PDE1C: variants seen among roughly 807,000 people sequenced by gnomAD.
The protein encoded by PDE1C is phosphodiesterase 1C, also known as dual specificity calcium/calmodulin-dependent 3',5'-cyclic nucleotide phosphodiesterase 1C.
In PDE1C, 62 loss-of-function variants were observed where a neutral mutation model predicts 93.1. The observed-to-expected ratio is 0.67, with a 90% CI of 0.54 to 0.82. PDE1C has a LOEUF of 0.82. Among genes scored for constraint, PDE1C ranks in the 40% least tolerant of loss-of-function variants. The pLI is 0.00. For missense variants in PDE1C, 742 were observed against 884.6 expected (o/e 0.84, Z 2.04); for synonymous variants, 325 against 310.1 (o/e 1.05, Z -0.50).
At chr7:32,348,109 C>T (rs1204582992) in intron 1 of PDE1C, among the ~76,000 whole-genome samples, 2 of 152,086 alleles carry the variant, frequency 1.3e-5, no homozygotes, top group East Asian at 1.9e-4. Flanking sequence ...TTTACTAAAA[C>T]AAACATCAGA....
chr7:32,384,454 A>T (rs1161932581), intron 1 of PDE1C, among the ~76,000 whole-genome samples: 1 of 152,240 alleles, frequency 6.6e-6, no homozygotes, highest in African/African-American at 2.4e-5. Context: ...AACCTAAATC[A>T]GATATGTACG....
At chr7:31,633,537 C>T in the PDE1C span, among the ~76,000 whole-genome samples, 1 of 152,142 alleles carries the variant, frequency 6.6e-6, no homozygotes, top group Admixed American at 6.5e-5. Flanking sequence ...TGTAAAATGC[C>T]TTAGAAGGAA....
chr7:32,401,906 A>C (rs1449605395), intron 1 of PDE1C, among the ~76,000 whole-genome samples: 1 of 152,214 alleles, frequency 6.6e-6, no homozygotes, highest in Non-Finnish European at 1.5e-5. Context: ...GCTTGTATCA[A>C]TTTGGTAGCA....
At chr7:32,155,641 T>A (rs898892883) in intron 3 of PDE1C, among the ~76,000 whole-genome samples, 1 of 152,182 alleles carries the variant, frequency 6.6e-6, no homozygotes, top group Non-Finnish European at 1.5e-5. Context: ...TGACACTGAA[T>A]CATATCACTT....
At chr7:32,136,498 A>G (rs904162405) in intron 3 of PDE1C, among the ~76,000 whole-genome samples, 10 of 151,710 alleles carry the variant, frequency 6.6e-5, no homozygotes, top group Middle Eastern at 3.4e-3. Context: ...TAAACTAATC[A>G]TTTATCCATT....
chr7:31,695,655 G>A, the PDE1C span: 1 of 1,568,178 alleles, frequency 6.4e-7, no homozygotes, highest in Non-Finnish European at 8.6e-7. Context: ...AGCTGTAAAG[G>A]AGAGCCACTT....
At chr7:31,629,366 C>T in the PDE1C span, among the ~76,000 whole-genome samples, 1 of 152,080 alleles carries the variant, frequency 6.6e-6, no homozygotes, top group South Asian at 2.1e-4. Flanking sequence ...ATTCCAAGTC[C>T]CTGCATTACC....
chr7:31,739,208 C>CACAT, the PDE1C span, among the ~76,000 whole-genome samples: 1 of 149,616 alleles, frequency 6.7e-6, no homozygotes, highest in Non-Finnish European at 1.5e-5. Flanking sequence ...TAGACACACA[C>CACAT]ACACACACAC....
intron 17 of PDE1C, among the ~76,000 whole-genome samples, chr7:31,766,412 C>A (rs1191041554): frequency 2.6e-5 from 4 of 151,834 alleles, no homozygotes; most frequent in African/African-American, 9.7e-5. Context: ...AATATAAAAT[C>A]ATTTAAGCAT....
intron 1 of PDE1C, among the ~76,000 whole-genome samples, chr7:32,063,203 G>A (rs1795011740): frequency 6.6e-6 from 1 of 152,220 alleles, no homozygotes; most frequent in Non-Finnish European, 1.5e-5. Context: ...CTATTGTAAT[G>A]TGCCTTATAT....
intron 3 of PDE1C, among the ~76,000 whole-genome samples, chr7:32,158,869 A>G (rs900735361): frequency 1.4e-4 from 21 of 152,228 alleles, no homozygotes; most frequent in African/African-American, 4.8e-4. Context: ...CCTACATTAC[A>G]TAGTCCCAGG....
chr7:32,271,226 C>G (rs902149628), intron 1 of PDE1C, among the ~76,000 whole-genome samples: 2 of 152,170 alleles, frequency 1.3e-5, no homozygotes, highest in African/African-American at 4.8e-5. Flanking sequence ...ATGTCAGCCA[C>G]CTTGGGCAAG....
At chr7:32,193,089 A>T (rs905474693) in intron 2 of PDE1C, among the ~76,000 whole-genome samples, 2 of 152,124 alleles carry the variant, frequency 1.3e-5, no homozygotes, top group Non-Finnish European at 2.9e-5. Flanking sequence ...TAACCATGTC[A>T]TCTGCAAAAG....
chr7:32,070,227 C>G, intron 1 of PDE1C, 66 bp downstream of exon 1: 4 of 1,605,570 alleles, frequency 2.5e-6, no homozygotes, highest in Middle Eastern at 1.8e-4. Context: ...GTCGTGACTG[C>G]GGCTGTGTGG....
chr7:31,868,406 C>A (rs1048887902), intron 6 of PDE1C, among the ~76,000 whole-genome samples: 4 of 151,932 alleles, frequency 2.6e-5, no homozygotes, highest in East Asian at 1.9e-4. Context: ...TAATGAAATA[C>A]AAAATACATT....
intron 1 of PDE1C, among the ~76,000 whole-genome samples, chr7:32,419,409 C>G (rs187056479): frequency 6.6e-6 from 1 of 152,312 alleles, no homozygotes; most frequent in African/African-American, 2.4e-5. Context: ...TCTAACTACT[C>G]CCTCCCTACC....
At chr7:31,661,419 T>C in the PDE1C span, among the ~76,000 whole-genome samples, 18,669 of 152,168 alleles carry the variant, frequency 0.12, 1,353 homozygotes, top group Middle Eastern at 0.18. Context: ...ACTTACATAA[T>C]TGGGAATATT....
chr7:31,836,209 T>C (rs1207562176), intron 11 of PDE1C, among the ~76,000 whole-genome samples: 2 of 152,234 alleles, frequency 1.3e-5, no homozygotes, highest in Admixed American at 1.3e-4. Context: ...GAGATAAGGT[T>C]AGCACATGTG....
chr7:32,080,042 T>C (rs893892054), intron 3 of PDE1C, among the ~76,000 whole-genome samples: 1 of 152,150 alleles, frequency 6.6e-6, no homozygotes, highest in Non-Finnish European at 1.5e-5. Context: ...GGAAAATATT[T>C]CTGACAAGAG....
Sources: gnomAD v4.1 joint callset for allele counts (sites outside exome capture counted in the v4.1 genomes callset) on GRCh38, gnomAD v4.1.1 for gene constraint, MANE v1.5 for transcripts, NCBI Gene and HGNC (gene_info 2026-07-23, HGNC 2026-07-21) for gene names.